ARHGAP22: variants seen among roughly 807,000 people sequenced by gnomAD.
ARHGAP22 encodes Rho GTPase activating protein 22.
Under a neutral mutation model 59.1 loss-of-function variants are expected in ARHGAP22, and 48 were observed. The observed-to-expected ratio is 0.81, with a 90% confidence interval of 0.64 to 1.03. ARHGAP22 has a LOEUF of 1.03. Among genes scored for constraint, ARHGAP22 ranks in the 50% least tolerant of loss-of-function variants. The probability of loss-of-function intolerance (pLI) is 0.00; values close to 1 mark genes in which losing one functional copy is unlikely to be tolerated. For missense variants in ARHGAP22, 1,015 were observed against 958.7 expected (o/e 1.06, Z -0.78); for synonymous variants, 445 against 416.4 (o/e 1.07, Z -0.84).
At chr10:48,531,253 A>G (rs2054817631) in intron 3 of ARHGAP22, among the ~76,000 whole-genome samples, 1 of 152,158 alleles carries the variant, frequency 6.6e-6, no homozygotes, top group Non-Finnish European at 1.5e-5. Context: ...GATACAATGG[A>G]CTTTGGGGAA....
chr10:48,608,737 C>G (rs966951245), upstream of ARHGAP22, among the ~76,000 whole-genome samples: 7 of 152,324 alleles, frequency 4.6e-5, 1 homozygote, highest in African/African-American at 1.4e-4. Context: ...GCCGGACCAG[C>G]TGGAGAGTAC....
At chr10:48,584,949 G>A (rs2059337661) in intron 1 of ARHGAP22, among the ~76,000 whole-genome samples, 1 of 150,812 alleles carries the variant, frequency 6.6e-6, no homozygotes, top group South Asian at 2.1e-4. Flanking sequence ...AGCTGAGATT[G>A]CGCCACTGCA....
intron 3 of ARHGAP22, among the ~76,000 whole-genome samples, chr10:48,539,449 G>A (rs57916850): frequency 1.3e-5 from 2 of 150,510 alleles, no homozygotes; most frequent in South Asian, 2.1e-4. Flanking sequence ...CCGCCACTAC[G>A]CCCGGCTAAT....
At chr10:48,619,592 G>A (rs2061211992) in intron 1 of ARHGAP22, among the ~76,000 whole-genome samples, 1 of 152,126 alleles carries the variant, frequency 6.6e-6, no homozygotes, top group South Asian at 2.1e-4. Context: ...ATTGGGGGAA[G>A]GACACTGTCT....
intron 4 of ARHGAP22, among the ~76,000 whole-genome samples, chr10:48,477,306 AT>A (rs1054342617): frequency 1.1e-4 from 16 of 152,316 alleles, no homozygotes; most frequent in African/African-American, 3.8e-4. Flanking sequence ...TTAGTTCCAC[AT>A]TGTTTTTAAG....
intron 1 of ARHGAP22, among the ~76,000 whole-genome samples, chr10:48,626,385 G>A (rs566728005): frequency 6.6e-6 from 1 of 152,306 alleles, no homozygotes; most frequent in South Asian, 2.1e-4. Flanking sequence ...ACCCCTCAGT[G>A]TCTTTGTGAA....
intron 2 of ARHGAP22, among the ~76,000 whole-genome samples, chr10:48,559,930 C>T (rs769902533): frequency 9.9e-5 from 15 of 152,120 alleles, no homozygotes; most frequent in African/African-American, 3.1e-4. Flanking sequence ...ATCTGTATTT[C>T]GATCTTATCA....
At chr10:48,442,582 C>A (rs2045228420), downstream of ARHGAP22, among the ~76,000 whole-genome samples, 1 of 151,516 alleles carries the variant, frequency 6.6e-6, no homozygotes, top group Non-Finnish European at 1.5e-5. Context: ...AACCAATGAA[C>A]CCACGTGCTG....
At chr10:48,474,014 C>G (rs962153009) in intron 4 of ARHGAP22, among the ~76,000 whole-genome samples, 8 of 152,148 alleles carry the variant, frequency 5.3e-5, no homozygotes, top group African/African-American at 1.9e-4. Context: ...CTGAACTGGG[C>G]GTGGAAGTTC....
At chr10:48,578,304 G>A (rs1249475866) in intron 2 of ARHGAP22, among the ~76,000 whole-genome samples, 1 of 152,106 alleles carries the variant, frequency 6.6e-6, no homozygotes, top group Non-Finnish European at 1.5e-5. Flanking sequence ...AAATAAATCA[G>A]CAGCCTCTCC....
Position 48,450,713 on chromosome 10 carries a change from G to T in ARHGAP22, c.1416C>A (p.Arg472=). 1 of 1,553,854 alleles carries T rather than the reference G, an allele frequency of 6.4e-7. No homozygotes were observed. The highest frequency in any genetic ancestry group is 1.9e-5 in the Admixed American group (1 of 51,594). Residue 472 remains arginine (R), a synonymous_variant, in exon 9 of 10, where the codon CGC becomes CGA. Transcript: ENST00000249601. The part of the protein sequence containing the change: ...MNGLSSLRGH[R]RASSGDRLKD... ...TGAGCCGGTCTCCCGACGAGGCCCG[G>T]CGGTGTCCGCGCAGGGAGGACAGCC...
At chr10:48,530,001 C>CCCA (rs2054668084) in intron 3 of ARHGAP22, among the ~76,000 whole-genome samples, 1 of 152,100 alleles carries the variant, frequency 6.6e-6, no homozygotes, top group Admixed American at 6.6e-5. Flanking sequence ...CTTTGGGAGG[C>CCCA]CAACGTGGGC....
At chr10:48,632,410 A>AT (rs1166487203) in intron 1 of ARHGAP22, among the ~76,000 whole-genome samples, 29 of 151,502 alleles carry the variant, frequency 1.9e-4, no homozygotes, top group African/African-American at 5.3e-4. Flanking sequence ...TATTCAACAT[A>AT]TTTTTTTTTC....
Position 48,604,981 on chromosome 10 carries a change from A to G in ARHGAP22, c.-185T>C. 1 of 1,468,894 alleles carries G rather than the reference A, an allele frequency of 6.8e-7. No individual in the cohort carries two copies. The highest frequency in any genetic ancestry group is 9.0e-7 in the Non-Finnish European group (1 of 1,115,196). The allele number at this position is 1,468,894 out of a possible 1,614,324, so 91.0% of individuals were successfully genotyped here. ...CCGGACGGACGGCTCGCCTTGGACT[A>G]CATAAACCTCGATGCATTATTTATC... On this transcript the variant is annotated 5_prime_UTR_variant, in exon 1 of 10. It removes the in-frame stop codon of an upstream open reading frame in the 5' UTR. Coordinates refer to ENST00000249601, the MANE Select transcript of ARHGAP22 (RefSeq NM_021226.4).
At chr10:48,562,991 T>C (rs756174962) in intron 2 of ARHGAP22, among the ~76,000 whole-genome samples, 2 of 152,120 alleles carry the variant, frequency 1.3e-5, no homozygotes, top group Non-Finnish European at 2.9e-5. Context: ...GGCACGACTG[T>C]TCCTTCTGGA....
At chr10:48,619,693 C>A (rs2061215266) in intron 1 of ARHGAP22, among the ~76,000 whole-genome samples, 1 of 152,056 alleles carries the variant, frequency 6.6e-6, no homozygotes, top group South Asian at 2.1e-4. Flanking sequence ...ATACTAAAAT[C>A]AACACAAAAT....
intron 3 of ARHGAP22, among the ~76,000 whole-genome samples, chr10:48,521,251 C>T (rs145520488): frequency 1.3e-5 from 2 of 152,256 alleles, no homozygotes; most frequent in Non-Finnish European, 2.9e-5. Flanking sequence ...CTCCCCTCCC[C>T]GAAAAAGGCA....
chr10:48,647,642 A>C (rs1374366564), intron 1 of ARHGAP22, among the ~76,000 whole-genome samples: 1 of 152,216 alleles, frequency 6.6e-6, no homozygotes, highest in Non-Finnish European at 1.5e-5. Context: ...ATTTCAGAAA[A>C]CATTTTGACA....
intron 4 of ARHGAP22, among the ~76,000 whole-genome samples, chr10:48,471,792 A>G (rs1332416347): frequency 6.6e-6 from 1 of 152,158 alleles, no homozygotes; most frequent in East Asian, 1.9e-4. Flanking sequence ...ATTATTGCAA[A>G]TTCATCTCCA....
Sources: gnomAD v4.1 joint callset for allele counts (sites outside exome capture counted in the v4.1 genomes callset) on GRCh38, gnomAD v4.1.1 for gene constraint, MANE v1.5 for transcripts, NCBI Gene and HGNC (gene_info 2026-07-23, HGNC 2026-07-21) for gene names.